The following IQCM variants were observed in gnomAD, a reference collection of about 807,000 sequenced individuals.
The protein encoded by IQCM is IQ domain-containing protein M.
Under a neutral mutation model 57.6 loss-of-function variants are expected in IQCM, and 45 were observed. The ratio of observed to expected loss-of-function variants is 0.78; its 90% CI spans 0.62 to 1.00. IQCM has a LOEUF of 1.00. IQCM is among the 50% of genes least tolerant of loss of function. The probability of loss-of-function intolerance (pLI) is 0.00; values close to 1 mark genes in which losing one functional copy is unlikely to be tolerated. For synonymous variants in IQCM, 148 were observed against 158.9 expected, an observed-to-expected ratio of 0.93 and a Z score of 0.51; for missense variants, 468 against 511.6, an observed-to-expected ratio of 0.91 and a Z score of 0.82.
chr4:149,744,056 C>A (rs1422923897), intron 2 of IQCM, among the ~76,000 whole-genome samples: 1 of 152,176 alleles, frequency 6.6e-6, no homozygotes, highest in Non-Finnish European at 1.5e-5. Flanking sequence ...TGTAAGCCAG[C>A]TTTGCCCTAT....
intron 12 of IQCM, among the ~76,000 whole-genome samples, chr4:149,439,968 T>A (rs1735756436): frequency 6.6e-6 from 1 of 151,680 alleles, no homozygotes; most frequent in Non-Finnish European, 1.5e-5. Context: ...TTCTTTTTTT[T>A]TTTTTTGAGA....
intron 12 of IQCM, among the ~76,000 whole-genome samples, chr4:149,533,789 T>C (rs745390243): frequency 1.3e-5 from 2 of 152,034 alleles, no homozygotes; most frequent in African/African-American, 2.4e-5. Flanking sequence ...ATCCCTCCCA[T>C]CACATGTGGG....
At chr4:149,639,717 T>G (rs539083399) in intron 7 of IQCM, among the ~76,000 whole-genome samples, 2 of 152,232 alleles carry the variant, frequency 1.3e-5, no homozygotes, top group East Asian at 3.9e-4. Flanking sequence ...TCCCAGGAGT[T>G]TGAGACCAGC....
chr4:149,508,973 C>T (rs929780268), intron 12 of IQCM, among the ~76,000 whole-genome samples: 1 of 152,176 alleles, frequency 6.6e-6, no homozygotes, highest in Non-Finnish European at 1.5e-5. Context: ...TTTCCCTGCA[C>T]AAACTCTCTT....
At chr4:149,716,201 G>A (rs536968843) in intron 5 of IQCM, among the ~76,000 whole-genome samples, 47 of 152,304 alleles carry the variant, frequency 3.1e-4, no homozygotes, top group Non-Finnish European at 6.3e-4. Flanking sequence ...GTCCCACACC[G>A]AGCTGCCTTC....
intron 5 of IQCM, among the ~76,000 whole-genome samples, chr4:149,702,509 A>G (rs1194605574): frequency 6.6e-6 from 1 of 151,878 alleles, no homozygotes; most frequent in East Asian, 1.9e-4. Context: ...GACATAAATT[A>G]AGCACTCAGT....
intron 13 of IQCM, among the ~76,000 whole-genome samples, chr4:149,393,581 C>T (rs1732016530): frequency 6.6e-6 from 1 of 151,782 alleles, no homozygotes; most frequent in Non-Finnish European, 1.5e-5. Context: ...GGATACACAT[C>T]TAAACACTGC....
chr4:149,379,385 AG>A, intron 13 of IQCM, among the ~76,000 whole-genome samples: 1 of 152,294 alleles, frequency 6.6e-6, no homozygotes, highest in Middle Eastern at 3.4e-3. Flanking sequence ...GAAAGCAGCC[AG>A]AAGAGAGGCT....
chr4:149,815,817 T>G lies in IQCM; in HGVS notation c.-304A>C, dbSNP rs1015565014. The G allele has an allele frequency of 6.6e-6, 1 of 151,988 alleles. No homozygotes were observed. The highest frequency in any genetic ancestry group is 2.4e-5 in the African/African-American group (1 of 41,438). 9.4% of individuals were successfully genotyped at this position (151,988 alleles called of 1,614,324 possible). A position where few individuals can be genotyped will look rare whatever the true frequency, so the allele number is the denominator to read the frequency against. The stretch of plus-strand genomic sequence containing the variant: ...TAAATCCTGCCAATCTTCTGATTGC[T>G]TCTTCTCACATATGCCTGTCTTCTT... On this transcript the variant is annotated 5_prime_UTR_variant, in exon 1 of 14. Transcript: ENST00000636793.
intron 2 of IQCM, among the ~76,000 whole-genome samples, chr4:149,757,831 A>G (rs1449072320): frequency 6.6e-6 from 1 of 152,130 alleles, no homozygotes; most frequent in Non-Finnish European, 1.5e-5. Context: ...AAAAGTGTCC[A>G]TATTCTAAGT....
At chr4:149,372,536 G>A (rs1023248755) in intron 13 of IQCM, among the ~76,000 whole-genome samples, 15 of 152,014 alleles carry the variant, frequency 9.9e-5, no homozygotes, top group Admixed American at 3.3e-4. Context: ...TAGCCTTTCA[G>A]AAGGTTTAAG....
chr4:149,648,294 T>C (rs1372977268), intron 7 of IQCM, among the ~76,000 whole-genome samples: 1 of 152,180 alleles, frequency 6.6e-6, no homozygotes, highest in Non-Finnish European at 1.5e-5. Context: ...TATTTGTCAT[T>C]GTCTTTAAAA....
intron 2 of IQCM, among the ~76,000 whole-genome samples, chr4:149,757,763 G>A (rs1161190028): frequency 2.0e-5 from 3 of 151,812 alleles, no homozygotes; most frequent in African/African-American, 7.3e-5. Context: ...GTGTGTGTGT[G>A]TGTATATTTC....
At chr4:149,387,664 GC>G (rs778471821) in intron 13 of IQCM, among the ~76,000 whole-genome samples, 4 of 151,870 alleles carry the variant, frequency 2.6e-5, no homozygotes, top group Admixed American at 6.6e-5. Flanking sequence ...CTGGTGCAGG[GC>G]CTATTTCTTT....
intron 5 of IQCM, among the ~76,000 whole-genome samples, chr4:149,729,749 C>T (rs1410053910): frequency 6.6e-6 from 1 of 152,030 alleles, no homozygotes; most frequent in Admixed American, 6.6e-5. Flanking sequence ...TTCCTTTACC[C>T]CTTGGATTAG....
chr4:149,416,362 C>G (rs1733749593), intron 13 of IQCM, among the ~76,000 whole-genome samples: 1 of 152,002 alleles, frequency 6.6e-6, no homozygotes, highest in African/African-American at 2.4e-5. Context: ...GGTACATGGT[C>G]TCTATAAATT....
At chr4:149,610,182 A>C (rs1755154580) in intron 8 of IQCM, among the ~76,000 whole-genome samples, 4 of 151,974 alleles carry the variant, frequency 2.6e-5, no homozygotes, top group Admixed American at 2.6e-4. Flanking sequence ...GAAGTAAAAT[A>C]TCTCTACAAG....
chr4:149,487,206 G>T (rs1441675694), intron 12 of IQCM, among the ~76,000 whole-genome samples: 2 of 152,080 alleles, frequency 1.3e-5, no homozygotes, highest in South Asian at 2.1e-4. Flanking sequence ...TTGGTCCAGG[G>T]TGTGGCTAGA....
At chr4:149,626,392 C>CATATATATATATATATATATATATAT (rs371051488) in intron 7 of IQCM, among the ~76,000 whole-genome samples, 2,716 of 119,578 alleles carry the variant, frequency 0.023, 128 homozygotes, top group East Asian at 0.049. Context: ...ACTTAATAAA[C>CATATATATATATATATATATATATAT]ATATATATAT....
Sources: gnomAD v4.1 joint callset for allele counts (sites outside exome capture counted in the v4.1 genomes callset) on GRCh38, gnomAD v4.1.1 for gene constraint, MANE v1.5 for transcripts, NCBI Gene and HGNC (gene_info 2026-07-23, HGNC 2026-07-21) for gene names.